SPAG16: variants seen among roughly 807,000 people sequenced by gnomAD.
The protein encoded by SPAG16 is sperm associated antigen 16.
In SPAG16, 86 loss-of-function variants were observed where a neutral mutation model predicts 80.4. The ratio of observed to expected loss-of-function variants is 1.07; its 90% confidence interval spans 0.90 to 1.28. The LOEUF is 1.28. Ranked by LOEUF, SPAG16 falls within the 50% of genes most tolerant of loss-of-function variation. The probability of loss-of-function intolerance (pLI) is 0.00; values close to 1 mark genes in which losing one functional copy is unlikely to be tolerated. For missense variants in SPAG16, 870 were observed against 765.3 expected (o/e 1.14, Z -1.61); for synonymous variants, 294 against 265.9 (o/e 1.11, Z -1.03).
chr2:214,023,842 A>T (rs1034184919), intron 13 of SPAG16, among the ~76,000 whole-genome samples: 17 of 151,814 alleles, frequency 1.1e-4, no homozygotes, highest in African/African-American at 3.9e-4. Flanking sequence ...ATTTTTGTAT[A>T]TCGGTATCAG....
At chr2:214,266,144 C>T (rs567509283) in intron 15 of SPAG16, among the ~76,000 whole-genome samples, 84 of 151,876 alleles carry the variant, frequency 5.5e-4, no homozygotes, top group Middle Eastern at 3.4e-3. Context: ...AAGTCCTTAT[C>T]TATGAGTGTC....
intron 10 of SPAG16, among the ~76,000 whole-genome samples, chr2:213,772,750 T>A (rs554356585): frequency 6.6e-6 from 1 of 152,132 alleles, no homozygotes; most frequent in Non-Finnish European, 1.5e-5. Context: ...TCTATTTCTA[T>A]AAAAAAGCCT....
intron 15 of SPAG16, among the ~76,000 whole-genome samples, chr2:214,298,260 T>C (rs1694302145): frequency 6.6e-6 from 1 of 152,022 alleles, no homozygotes; most frequent in Admixed American, 6.6e-5. Context: ...TGTATAGAAA[T>C]GTCTCTGATT....
At chr2:213,422,633 G>A (rs1179725881) in intron 9 of SPAG16, 1 of 292,026 alleles carries the variant, frequency 3.4e-6, no homozygotes, top group African/African-American at 2.1e-5. Context: ...TCCTGTGACA[G>A]TATCAGAGTT....
At chr2:213,814,444 G>T (rs1228778463) in intron 10 of SPAG16, among the ~76,000 whole-genome samples, 1 of 152,138 alleles carries the variant, frequency 6.6e-6, no homozygotes, top group Non-Finnish European at 1.5e-5. Context: ...AAGTTAACAT[G>T]TAAAATTAAC....
chr2:214,346,011 GT>G (rs1255632790), intron 15 of SPAG16, among the ~76,000 whole-genome samples: 2 of 152,138 alleles, frequency 1.3e-5, no homozygotes, highest in African/African-American at 4.8e-5. Context: ...TAATGCTGTT[GT>G]GAACATTCAC....
chr2:213,629,965 C>G lies in SPAG16; in HGVS notation c.1070+139875C>G, dbSNP rs1401825098. ...CCATCTTCTTATATTTTCCCTCCAG[C>G]CTAGGCGTGTTAACTAGTCTGTCAC... On this transcript the variant is annotated intron_variant, in intron 10 of 15. Transcript: ENST00000331683. Among the ~76,000 whole-genome samples, 4 of 152,220 alleles carry G rather than the reference C, an allele frequency of 2.6e-5. No individual in the cohort carries two copies. In the East Asian group the frequency reaches 7.7e-4, roughly 29 times the overall value.
At chr2:213,956,640 G>A (rs1245582003) in intron 12 of SPAG16, among the ~76,000 whole-genome samples, 1 of 151,758 alleles carries the variant, frequency 6.6e-6, no homozygotes, top group Non-Finnish European at 1.5e-5. Context: ...TAGAGATGGG[G>A]TTTCACCATG....
chr2:213,977,698 T>A (rs13003599), intron 12 of SPAG16, among the ~76,000 whole-genome samples: 488 of 152,236 alleles, frequency 3.2e-3, no homozygotes, highest in Non-Finnish European at 4.9e-3. Flanking sequence ...TGGTAGTGCA[T>A]GTTCACACTG....
chr2:214,265,485 G>A (rs544551137), intron 15 of SPAG16, among the ~76,000 whole-genome samples: 179 of 152,000 alleles, frequency 1.2e-3, no homozygotes, highest in African/African-American at 4.2e-3. Context: ...TTCAAAGTTT[G>A]TTGTACATTT....
At chr2:214,048,855 C>CA (rs1211345738) in intron 13 of SPAG16, among the ~76,000 whole-genome samples, 1 of 151,858 alleles carries the variant, frequency 6.6e-6, no homozygotes, top group Non-Finnish European at 1.5e-5. Flanking sequence ...AAAAAAGAAA[C>CA]AAAAAAATCT....
intron 15 of SPAG16, among the ~76,000 whole-genome samples, chr2:214,210,614 T>A (rs2058266209): frequency 6.6e-6 from 1 of 152,120 alleles, no homozygotes; most frequent in Non-Finnish European, 1.5e-5. Context: ...CATATTTATG[T>A]AACTCTGAAA....
At chr2:213,719,076 T>A (rs1333896295) in intron 10 of SPAG16, among the ~76,000 whole-genome samples, 1 of 151,966 alleles carries the variant, frequency 6.6e-6, no homozygotes, top group Non-Finnish European at 1.5e-5. Flanking sequence ...ATCTAGCTGC[T>A]CTGGTGAGGA....
intron 15 of SPAG16, among the ~76,000 whole-genome samples, chr2:214,331,305 T>G (rs758150731): frequency 1.3e-5 from 2 of 152,178 alleles, no homozygotes; most frequent in African/African-American, 2.4e-5. Flanking sequence ...TAGCTCTTCC[T>G]GATCATCAAG....
intron 15 of SPAG16, among the ~76,000 whole-genome samples, chr2:214,397,827 A>C (rs1421273854): frequency 6.6e-6 from 1 of 152,216 alleles, no homozygotes; most frequent in Admixed American, 6.5e-5. Flanking sequence ...TCTGAATTGC[A>C]CATCTGGAAT....
intron 11 of SPAG16, among the ~76,000 whole-genome samples, chr2:213,871,997 A>G (rs1033023009): frequency 1.3e-5 from 2 of 152,160 alleles, no homozygotes; most frequent in African/African-American, 4.8e-5. Context: ...AAAAATAGAA[A>G]ACATGAAAAG....
rs960337358 is a variant in SPAG16 at position 214,173,216 on chromosome 2, T to C, written c.1720+23950T>C. On this transcript the variant is annotated intron_variant, in intron 15 of 15. Transcript: ENST00000331683. ...GTAATGCGTAGGTTTTCTTCTAGGGTTTTTATGGTTTTAGGTCTAACATTT... is the reference window on the plus strand; with the variant it reads ...GTAATGCGTAGGTTTTCTTCTAGGGCTTTTATGGTTTTAGGTCTAACATTT... Among the ~76,000 whole-genome samples, 11 of 152,226 alleles carry C rather than the reference T, an allele frequency of 7.2e-5. 1 individual carries two copies. The highest frequency in any genetic ancestry group is 2.6e-4 in the African/African-American group (11 of 41,534).
chr2:213,932,093 A>G (rs1301479660), intron 12 of SPAG16, among the ~76,000 whole-genome samples: 1 of 148,420 alleles, frequency 6.7e-6, no homozygotes, highest in African/African-American at 2.5e-5. Flanking sequence ...CCTTGGTAAG[A>G]TGGATGGTGC....
chr2:213,957,519 T>A (rs2044211900), intron 12 of SPAG16, among the ~76,000 whole-genome samples: 1 of 152,110 alleles, frequency 6.6e-6, no homozygotes, highest in East Asian at 1.9e-4. Flanking sequence ...GCAAACAGGA[T>A]ATAGTTAGAT....
Sources: gnomAD v4.1 joint callset for allele counts (sites outside exome capture counted in the v4.1 genomes callset) on GRCh38, gnomAD v4.1.1 for gene constraint, MANE v1.5 for transcripts, NCBI Gene and HGNC (gene_info 2026-07-23, HGNC 2026-07-21) for gene names.